Variants in CDH12 observed in about 807,000 individuals in gnomAD.
CDH12 encodes the protein cadherin 12.
A neutral mutation model predicts 74.1 loss-of-function variants in CDH12; 41 were observed. That is an observed-to-expected ratio of 0.55 (90% CI 0.43 to 0.72). CDH12 has a LOEUF of 0.72. Among genes scored for constraint, CDH12 ranks in the 30% least tolerant of loss-of-function variants. CDH12 has a pLI of 0.00. For synonymous variants in CDH12, 399 were observed against 355.0 expected, an observed-to-expected ratio of 1.12 and a Z score of -1.39; for missense variants, 945 against 977.2, an observed-to-expected ratio of 0.97 and a Z score of 0.44.
At chr5:21,766,789 G>T (rs140176886) in intron 11 of CDH12, among the ~76,000 whole-genome samples, 52 of 151,998 alleles carry the variant, frequency 3.4e-4, no homozygotes, top group African/African-American at 1.1e-3. Flanking sequence ...TAGAATGCTT[G>T]CAATGTACAA....
chr5:22,820,235 C>T (rs1749618451), intron 1 of CDH12, among the ~76,000 whole-genome samples: 1 of 151,728 alleles, frequency 6.6e-6, no homozygotes, highest in African/African-American at 2.4e-5. Flanking sequence ...CAGGCAGAGA[C>T]AATATTTGAA....
rs1579896092 is a variant in CDH12, at chr5:21,880,617, T to TTCCTTCCTTCCTTCCTTCCTTCTTTCTC, written c.527-25828_527-25827insGAGAAAGAAGGAAGGAAGGAAGGAAGGA. Among the ~76,000 whole-genome samples the TTCCTTCCTTCCTTCCTTCCTTCTTTCTC allele has an allele frequency of 7.4e-5, 4 of 54,016 alleles. No homozygotes were observed. In the South Asian group the frequency reaches 2.4e-3, roughly 33 times the overall value. 35.4% of individuals were successfully genotyped at this position (54,016 alleles called of 152,430 possible). A position where few individuals can be genotyped will look rare whatever the true frequency, so the allele number is the denominator to read the frequency against. ...CTTCCTTCCTTCCTTCCTTCCTTCC[T>TTCCTTCCTTCCTTCCTTCCTTCTTTCTC]TCTTTCTTTCTTTCTTTCTTTCTTT... On this transcript the variant is annotated intron_variant, in intron 6 of 14. Transcript: ENST00000382254.
At chr5:22,508,683 C>A (rs1736491163) in intron 1 of CDH12, among the ~76,000 whole-genome samples, 1 of 152,128 alleles carries the variant, frequency 6.6e-6, no homozygotes. Context: ...AATCCCAGGT[C>A]TTTAGACAAA....
intron 1 of CDH12, among the ~76,000 whole-genome samples, chr5:22,640,552 T>A (rs1346790697): frequency 6.6e-6 from 1 of 152,198 alleles, no homozygotes; most frequent in Non-Finnish European, 1.5e-5. Flanking sequence ...TTCATATAAT[T>A]TAACATCTAA....
intron 1 of CDH12, among the ~76,000 whole-genome samples, chr5:22,699,438 G>A (rs576833255): frequency 2.4e-4 from 37 of 151,158 alleles, no homozygotes; most frequent in Non-Finnish European, 4.6e-4. Context: ...TATCAGAAAG[G>A]CTTTGATACA....
intron 1 of CDH12, among the ~76,000 whole-genome samples, chr5:22,627,017 T>A (rs1489327220): frequency 2.6e-5 from 4 of 152,160 alleles, no homozygotes; most frequent in Non-Finnish European, 5.9e-5. Flanking sequence ...GCTTAGACAC[T>A]GGTTGTCCAA....
At chr5:22,686,155 G>A (rs552149912) in intron 1 of CDH12, among the ~76,000 whole-genome samples, 40 of 152,082 alleles carry the variant, frequency 2.6e-4, no homozygotes, top group African/African-American at 9.4e-4. Flanking sequence ...AAATGATATG[G>A]AATGTCTTTT....
At chr5:22,498,536 G>A (rs1472160994) in intron 2 of CDH12, among the ~76,000 whole-genome samples, 1 of 151,824 alleles carries the variant, frequency 6.6e-6, no homozygotes, top group East Asian at 1.9e-4. Context: ...AATGAAAGGG[G>A]CAAAGTGAAT....
At chr5:21,774,239 C>T (rs1251561892) in intron 11 of CDH12, among the ~76,000 whole-genome samples, 2 of 152,096 alleles carry the variant, frequency 1.3e-5, no homozygotes, top group Non-Finnish European at 2.9e-5. Context: ...GGCAGAGGAA[C>T]GTGGAAGGAA....
chr5:22,516,609 ACAT>A (rs1736816597), intron 1 of CDH12, among the ~76,000 whole-genome samples: 1 of 152,052 alleles, frequency 6.6e-6, no homozygotes, highest in Non-Finnish European at 1.5e-5. Context: ...AGCCTGGGCA[ACAT>A]GGCGAAACCT....
chr5:22,261,527 C>A (rs1753512202), intron 3 of CDH12, among the ~76,000 whole-genome samples: 1 of 151,944 alleles, frequency 6.6e-6, no homozygotes, highest in African/African-American at 2.4e-5. Flanking sequence ...TATAATAATG[C>A]AACTGTAAAA....
intron 1 of CDH12, among the ~76,000 whole-genome samples, chr5:22,570,143 C>T (rs993713995): frequency 5.3e-5 from 8 of 151,862 alleles, no homozygotes; most frequent in Non-Finnish European, 1.2e-4. Flanking sequence ...GCAACCTTCA[C>T]CTCCCAGGTT....
intron 6 of CDH12, chr5:21,889,733 G>A (rs1016834669): frequency 3.0e-6 from 3 of 984,498 alleles, no homozygotes; most frequent in Admixed American, 6.2e-5. Context: ...AATATATGGG[G>A]TTTTGTTTGC....
chr5:22,530,352 A>C (rs1258310759), intron 1 of CDH12, among the ~76,000 whole-genome samples: 1 of 152,154 alleles, frequency 6.6e-6, no homozygotes, highest in African/African-American at 2.4e-5. Context: ...ATTTGAAATA[A>C]AAGACAGAAA....
chr5:22,427,253 C>T lies in CDH12; in HGVS notation c.-427-21902G>A, dbSNP rs543687906. ...CATGATCTCAGCTCACTGCAACCTC[C>T]GCCTCCTGGGTTCAAGCTATTCTCC... On this transcript the variant is annotated intron_variant, in intron 2 of 14. Coordinates refer to ENST00000382254, the MANE Select transcript of CDH12 (RefSeq NM_004061.5). Among the ~76,000 whole-genome samples, 26 of 152,168 alleles carry T rather than the reference C, an allele frequency of 1.7e-4. No homozygotes were observed. The East Asian group carries it at 3.9e-3, about 23-fold the overall frequency.
chr5:22,123,188 A>C (rs1225851865), intron 4 of CDH12, among the ~76,000 whole-genome samples: 2 of 152,152 alleles, frequency 1.3e-5, no homozygotes, highest in Non-Finnish European at 2.9e-5. Flanking sequence ...GCCCTTATAG[A>C]AGAGAACTTG....
chr5:22,682,461 A>G (rs1741543886), intron 1 of CDH12, among the ~76,000 whole-genome samples: 1 of 152,126 alleles, frequency 6.6e-6, no homozygotes, highest in South Asian at 2.1e-4. Context: ...TACAACATAC[A>G]CGGTAGTGGT....
intron 4 of CDH12, among the ~76,000 whole-genome samples, chr5:22,097,482 G>T (rs1318219879): frequency 2.0e-5 from 3 of 152,114 alleles, no homozygotes; most frequent in Non-Finnish European, 4.4e-5. Flanking sequence ...AATGTGGTAG[G>T]TATTGACGGC....
chr5:22,277,484 T>C (rs752655476), intron 3 of CDH12, among the ~76,000 whole-genome samples: 2 of 152,088 alleles, frequency 1.3e-5, no homozygotes, highest in East Asian at 1.9e-4. Context: ...CTGAGACCCA[T>C]AGTGCTACTC....
Sources: allele counts gnomAD v4.1 joint callset (sites outside exome capture counted in the v4.1 genomes callset), GRCh38; gene constraint gnomAD v4.1.1; transcripts MANE v1.5; gene names NCBI Gene and HGNC (gene_info 2026-07-23, HGNC 2026-07-21).